ZNF521: variants seen among roughly 807,000 people sequenced by gnomAD.
ZNF521 encodes the protein LYST-interacting protein 3.
ZNF521 carries 14 observed loss-of-function variants against 105.5 expected under a neutral mutation model. The ratio of observed to expected loss-of-function variants is 0.13; its 90% CI spans 0.09 to 0.21. ZNF521 has a LOEUF of 0.21. ZNF521 is among the 10% of genes least tolerant of loss of function. ZNF521 has a pLI of 1.00. For missense variants in ZNF521, 1,233 were observed against 1,629.7 expected, an observed-to-expected ratio of 0.76 and a Z score of 4.19; for synonymous variants, 635 against 606.0, an observed-to-expected ratio of 1.05 and a Z score of -0.70.
At chr18:25,068,089 T>G (rs2033118211) in intron 7 of ZNF521, among the ~76,000 whole-genome samples, 1 of 152,212 alleles carries the variant, frequency 6.6e-6, no homozygotes, top group South Asian at 2.1e-4. Flanking sequence ...ACTATGCCAT[T>G]AGAAACCCGA....
intron 2 of ZNF521, among the ~76,000 whole-genome samples, chr18:25,330,679 C>T (rs1025923831): frequency 2.0e-5 from 3 of 152,260 alleles, no homozygotes; most frequent in Admixed American, 6.5e-5. Context: ...TATCATTAAC[C>T]ATTAGTTTAA....
intron 5 of ZNF521, among the ~76,000 whole-genome samples, chr18:25,177,945 T>C (rs2035562218): frequency 6.6e-6 from 1 of 152,178 alleles, no homozygotes; most frequent in Non-Finnish European, 1.5e-5. Flanking sequence ...TTCAATTCCC[T>C]TTGCCTAACA....
chr18:25,243,158 T>C (rs1907463930), intron 3 of ZNF521, among the ~76,000 whole-genome samples: 1 of 152,214 alleles, frequency 6.6e-6, no homozygotes, highest in East Asian at 1.9e-4. Flanking sequence ...TGGTTAAGTT[T>C]CCACATTATT....
At chr18:25,108,822 G>A (rs1394634608) in intron 5 of ZNF521, among the ~76,000 whole-genome samples, 3 of 151,998 alleles carry the variant, frequency 2.0e-5, no homozygotes, top group Non-Finnish European at 2.9e-5. Context: ...ATGGGGTTTC[G>A]CCATAGTAGC....
At chr18:25,256,010 A>ATATATATATGG (rs796580178) in intron 3 of ZNF521, among the ~76,000 whole-genome samples, 3 of 147,806 alleles carry the variant, frequency 2.0e-5, no homozygotes, top group Non-Finnish European at 4.5e-5. Flanking sequence ...TATATATATG[A>ATATATATATGG]TATATATATG....
chr18:25,103,726 T>C (rs191523627), intron 5 of ZNF521, among the ~76,000 whole-genome samples: 212 of 143,752 alleles, frequency 1.5e-3, no homozygotes, highest in African/African-American at 5.2e-3. Flanking sequence ...AGTGAGACAG[T>C]TGTTATCCTC....
chr18:25,269,916 C>T (rs758828921), intron 3 of ZNF521, among the ~76,000 whole-genome samples: 8 of 152,034 alleles, frequency 5.3e-5, no homozygotes, highest in Non-Finnish European at 7.4e-5. Context: ...CAAAAGCTAG[C>T]AGAAGACAAG....
At chr18:25,151,771 A>C (rs1331827433) in intron 5 of ZNF521, among the ~76,000 whole-genome samples, 1 of 152,216 alleles carries the variant, frequency 6.6e-6, no homozygotes, top group African/African-American at 2.4e-5. Context: ...TCTCTTTCAC[A>C]GCCCAGGATC....
chr18:25,070,094 C>T (rs1426427024), intron 7 of ZNF521, among the ~76,000 whole-genome samples: 1 of 152,136 alleles, frequency 6.6e-6, no homozygotes, highest in African/African-American at 2.4e-5. Context: ...ATGGCATCAT[C>T]AGAAGCGATC....
intron 2 of ZNF521, among the ~76,000 whole-genome samples, chr18:25,340,928 G>T (rs559256893): frequency 6.6e-6 from 1 of 152,240 alleles, no homozygotes; most frequent in South Asian, 2.1e-4. Context: ...ATCTTGTAAT[G>T]GTTTTATTTT....
At chr18:25,246,351 G>A (rs1230073407) in intron 3 of ZNF521, among the ~76,000 whole-genome samples, 1 of 152,188 alleles carries the variant, frequency 6.6e-6, no homozygotes. Flanking sequence ...TATTCATAAT[G>A]TAGAAGGTCC....
intron 7 of ZNF521, among the ~76,000 whole-genome samples, chr18:25,071,301 T>C (rs2033216083): frequency 6.6e-6 from 1 of 152,200 alleles, no homozygotes; most frequent in South Asian, 2.1e-4. Flanking sequence ...TATAATGGCA[T>C]TGTTTATGTA....
rs1245574558 is a variant in ZNF521 at position 25,351,012 on chromosome 18, GCGCGCCCCTCGGGCCGCGGCGCCT to G, written c.-1-89_-1-66del. 327 of 1,377,976 alleles carry G rather than the reference GCGCGCCCCTCGGGCCGCGGCGCCT, an allele frequency of 2.4e-4. 1 individual carries two copies. The highest frequency in any genetic ancestry group is 1.5e-3 in the East Asian group (46 of 30,942). The allele number at this position is 1,377,976 out of a possible 1,614,324, so 85.4% of individuals were successfully genotyped here. On this transcript the variant is annotated intron_variant, in intron 1 of 7. Transcript: ENST00000361524. ...AAAGAAACTATACTTCCTCGTGGCC[GCGCGCCCCTCGGGCCGCGGCGCCT>G]CGCGCCCTCCGCTCGGCCTCCCTCG...
chr18:25,094,172 G>A (rs2033805789), intron 5 of ZNF521, among the ~76,000 whole-genome samples: 1 of 152,118 alleles, frequency 6.6e-6, no homozygotes, highest in African/African-American at 2.4e-5. Context: ...TTTTCCTGGG[G>A]ATAACAATTG....
rs200299744 is a variant in ZNF521 at position 25,119,048 on chromosome 18, T to C, written c.3659-26967A>G. On this transcript the variant is annotated intron_variant, in intron 5 of 7. Transcript: ENST00000361524. ...ATTTCATAATGCAAAATAAGCCAAC[T>C]GCTCTGGAAAATATAACAGACATAA... is the stretch of plus-strand genomic sequence containing the variant. 2.2e-4 allele frequency among the ~76,000 whole-genome samples: 33 copies of C among 152,192 alleles called. No individual in the cohort carries two copies. In the East Asian group the frequency reaches 4.8e-3, roughly 22 times the overall value.
chr18:25,336,759 A>C (rs1032674679), intron 2 of ZNF521, among the ~76,000 whole-genome samples: 3 of 152,208 alleles, frequency 2.0e-5, no homozygotes, highest in Non-Finnish European at 4.4e-5. Context: ...ACAGGTACAT[A>C]AAAATTCCCA....
At chr18:25,327,762 T>C (rs1600313078) in intron 2 of ZNF521, 6 of 503,896 alleles carry the variant, frequency 1.2e-5, no homozygotes, top group Non-Finnish European at 2.4e-5. Context: ...CAGACTCTAA[T>C]GAAGGAAGGC....
intron 3 of ZNF521, among the ~76,000 whole-genome samples, chr18:25,247,490 T>C (rs945507312): frequency 6.6e-6 from 1 of 152,202 alleles, no homozygotes; most frequent in Admixed American, 6.5e-5. Flanking sequence ...TGGAGATCTT[T>C]TTAAAATATT....
chr18:25,316,192 AAC>A (rs1912603499), intron 3 of ZNF521, among the ~76,000 whole-genome samples: 1 of 152,012 alleles, frequency 6.6e-6, no homozygotes, highest in East Asian at 1.9e-4. Context: ...AAGACCATGG[AAC>A]GGGCAGGGAG....
Sources: gnomAD v4.1 joint callset for allele counts (sites outside exome capture counted in the v4.1 genomes callset) on GRCh38, gnomAD v4.1.1 for gene constraint, MANE v1.5 for transcripts, NCBI Gene and HGNC (gene_info 2026-07-23, HGNC 2026-07-21) for gene names.